The following PRKAR2B variants were observed in gnomAD, a reference collection of about 807,000 sequenced individuals.
PRKAR2B encodes cAMP-dependent protein kinase type II-beta regulatory subunit.
Under a neutral mutation model 49.9 loss-of-function variants are expected in PRKAR2B, and 14 were observed. That is an observed-to-expected ratio of 0.28 (90% CI 0.19 to 0.44). PRKAR2B has a LOEUF of 0.44. Among genes scored for constraint, PRKAR2B ranks in the 20% least tolerant of loss-of-function variants. The pLI is 1.00. For missense variants in PRKAR2B, 393 were observed against 537.9 expected (o/e 0.73, Z 2.67); for synonymous variants, 196 against 197.7 (o/e 0.99, Z 0.07).
At position 107,141,011 on chromosome 7, in the gene PRKAR2B, A is replaced by G. The variant is rs763462810; in HGVS notation, c.587+58A>G. The G allele has an allele frequency of 1.3e-5, 16 of 1,250,172 alleles. No individual in the cohort carries two copies. In the Admixed American group the frequency reaches 1.8e-4, roughly 14 times the overall value. 77.4% of individuals were successfully genotyped at this position (1,250,172 alleles called of 1,614,324 possible). A position where few individuals can be genotyped will look rare whatever the true frequency, so the allele number is the denominator to read the frequency against. ...AAAGAACCTTTTGTGTAAAATCTCA[A>G]CCATTATTACGGCAACTGACAGGTT... is the stretch of plus-strand genomic sequence containing the variant. On this transcript the variant is annotated intron_variant, in intron 5 of 10. Transcript: ENST00000265717.
chr7:107,088,149 C>T (rs906574740), intron 2 of PRKAR2B, among the ~76,000 whole-genome samples: 1 of 152,116 alleles, frequency 6.6e-6, no homozygotes, highest in Non-Finnish European at 1.5e-5. Context: ...GTAGAAGGAA[C>T]CCACAGCTTA....
intron 1 of PRKAR2B, among the ~76,000 whole-genome samples, chr7:107,065,405 T>C (rs1190358811): frequency 6.6e-6 from 1 of 151,292 alleles, no homozygotes; most frequent in Non-Finnish European, 1.5e-5. Context: ...AGCTCAGGGC[T>C]CTTGTTTCTT....
intron 1 of PRKAR2B, among the ~76,000 whole-genome samples, chr7:107,058,092 T>C (rs1392093445): frequency 1.3e-5 from 2 of 151,972 alleles, no homozygotes; most frequent in Non-Finnish European, 2.9e-5. Context: ...GGGATAAAGC[T>C]TTGCTTTGTT....
chr7:107,080,138 GGGCA>G (rs1262990055), intron 2 of PRKAR2B, among the ~76,000 whole-genome samples: 1 of 152,118 alleles, frequency 6.6e-6, no homozygotes, highest in Non-Finnish European at 1.5e-5. Flanking sequence ...AGTCAGGAAG[GGGCA>G]TCTGTATGCC....
chr7:107,091,051 G>A (rs1468751883), intron 2 of PRKAR2B, among the ~76,000 whole-genome samples: 2 of 152,126 alleles, frequency 1.3e-5, no homozygotes, highest in Non-Finnish European at 2.9e-5. Context: ...ATTTTCTTCA[G>A]AACATTAAGA....
chr7:107,142,610 C>T (rs987201998), intron 5 of PRKAR2B, among the ~76,000 whole-genome samples: 2 of 152,136 alleles, frequency 1.3e-5, no homozygotes, highest in Non-Finnish European at 2.9e-5. Context: ...ACAGAAGTGA[C>T]AGCACTTGGT....
chr7:107,091,144 A>T lies in PRKAR2B; in HGVS notation c.343+20828A>T, dbSNP rs567866154. Among the ~76,000 whole-genome samples, 12 of 152,294 alleles carry T rather than the reference A, an allele frequency of 7.9e-5. No individual in the cohort carries two copies. The East Asian group carries it at 2.1e-3, about 27-fold the overall frequency. ...GGATGTTATTTCCAGAACTGTAAGC[A>T]TTTCTAATTTGTAAGAGCACTGGTT... On this transcript the variant is annotated intron_variant, in intron 2 of 10. Transcript: ENST00000265717.
intron 1 of PRKAR2B, among the ~76,000 whole-genome samples, chr7:107,062,353 A>T (rs901140293): frequency 6.6e-6 from 1 of 152,224 alleles, no homozygotes; most frequent in African/African-American, 2.4e-5. Flanking sequence ...TAAAAGCTTT[A>T]TTCAAAATAG....
chr7:107,119,635 GGCTATCCA>G (rs1247602506), intron 2 of PRKAR2B, among the ~76,000 whole-genome samples: 4 of 152,178 alleles, frequency 2.6e-5, no homozygotes, highest in African/African-American at 9.7e-5. Context: ...GAGTGCCTCA[GGCTATCCA>G]GCCTGATTCC....
At chr7:107,100,876 T>C (rs897593863) in intron 2 of PRKAR2B, among the ~76,000 whole-genome samples, 17 of 152,020 alleles carry the variant, frequency 1.1e-4, no homozygotes, top group Admixed American at 1.0e-3. Flanking sequence ...TTGAGTCGTT[T>C]TTACTCTTTG....
chr7:107,095,963 C>T (rs1001937679), intron 2 of PRKAR2B, among the ~76,000 whole-genome samples: 10 of 152,046 alleles, frequency 6.6e-5, no homozygotes, highest in East Asian at 1.9e-4. Flanking sequence ...TCTAAAATTC[C>T]CTTTTTTTGT....
At chr7:107,111,679 A>AT (rs1037614819) in intron 2 of PRKAR2B, among the ~76,000 whole-genome samples, 2 of 152,102 alleles carry the variant, frequency 1.3e-5, no homozygotes, top group African/African-American at 2.4e-5. Context: ...ATTTATTTTA[A>AT]TTTTTTTGTT....
At chr7:107,151,555 G>A (rs564936175) in intron 7 of PRKAR2B, among the ~76,000 whole-genome samples, 107 of 152,298 alleles carry the variant, frequency 7.0e-4, no homozygotes, top group African/African-American at 2.4e-3. Context: ...GTTACCTTAC[G>A]AATAAACCCA....
At chr7:107,154,876 A>G (rs1796052587) in intron 8 of PRKAR2B, among the ~76,000 whole-genome samples, 1 of 152,196 alleles carries the variant, frequency 6.6e-6, no homozygotes, top group African/African-American at 2.4e-5. Context: ...AGTCCTTCCA[A>G]AGCCTTGAAA....
At chr7:107,132,281 A>T (rs543732423) in intron 4 of PRKAR2B, among the ~76,000 whole-genome samples, 1 of 152,212 alleles carries the variant, frequency 6.6e-6, no homozygotes, top group Non-Finnish European at 1.5e-5. Flanking sequence ...TAAGATGTGG[A>T]TGCTTTATCA....
chr7:107,153,145 T>G, intron 7 of PRKAR2B, 32 bp from the exon 8 acceptor site: 1 of 1,555,648 alleles, frequency 6.4e-7, no homozygotes, highest in Non-Finnish European at 8.8e-7. Flanking sequence ...GTTAATTTGT[T>G]TCTATTTAAT....
intron 1 of PRKAR2B, among the ~76,000 whole-genome samples, chr7:107,051,585 G>A (rs1793804768): frequency 6.6e-6 from 1 of 152,130 alleles, no homozygotes; most frequent in Admixed American, 6.5e-5. Context: ...GTTTCATTAT[G>A]TAATTTTATG....
intron 2 of PRKAR2B, among the ~76,000 whole-genome samples, chr7:107,082,625 T>A (rs1357802030): frequency 6.6e-6 from 1 of 152,206 alleles, no homozygotes; most frequent in Non-Finnish European, 1.5e-5. Flanking sequence ...AGATGGAGTC[T>A]CGCTCTGTCG....
intron 1 of PRKAR2B, among the ~76,000 whole-genome samples, chr7:107,064,795 G>C (rs907332552): frequency 6.6e-6 from 1 of 152,136 alleles, no homozygotes; most frequent in African/African-American, 2.4e-5. Context: ...TCAAGGTTCA[G>C]TACCTTTTAA....
Sources: allele counts gnomAD v4.1 joint callset (sites outside exome capture counted in the v4.1 genomes callset), GRCh38; gene constraint gnomAD v4.1.1; transcripts MANE v1.5; gene names NCBI Gene and HGNC (gene_info 2026-07-23, HGNC 2026-07-21).